The following ZNF420 variants were observed in gnomAD, a reference collection of about 807,000 sequenced individuals.
ZNF420 encodes the protein zinc finger protein 420, also known as ATM and p53-associated KZNF protein.
Under a neutral mutation model 44.7 loss-of-function variants are expected in ZNF420, and 31 were observed. That is an observed-to-expected ratio of 0.69 (90% CI 0.52 to 0.94). The LOEUF (loss-of-function observed/expected upper bound fraction) is 0.94. Ranked by LOEUF, ZNF420 falls within the 40% of genes least tolerant of loss-of-function variation. ZNF420 has a pLI of 0.00. For synonymous variants in ZNF420, 245 were observed against 267.4 expected, an observed-to-expected ratio of 0.92 and a Z score of 0.82; for missense variants, 681 against 827.9, an observed-to-expected ratio of 0.82 and a Z score of 2.18.
intron 4 of ZNF420, among the ~76,000 whole-genome samples, chr19:37,124,520 ACT>A (rs1349964203): frequency 2.0e-5 from 3 of 151,756 alleles, no homozygotes; most frequent in East Asian, 1.9e-4. Flanking sequence ...AAACTACCAC[ACT>A]CTTTTTTACC....
At chr19:37,032,422 TTGAACCTGGGAGG>T (rs1967277556) in intron 1 of ZNF420, among the ~76,000 whole-genome samples, 1 of 151,042 alleles carries the variant, frequency 6.6e-6, no homozygotes, top group Non-Finnish European at 1.5e-5. Flanking sequence ...TGAGAATCAC[TTGAACCTGGGAGG>T]TGGAGGTTGC....
At chr19:37,052,686 G>A (rs894176692) in intron 1 of ZNF420, among the ~76,000 whole-genome samples, 12 of 152,122 alleles carry the variant, frequency 7.9e-5, no homozygotes, top group Non-Finnish European at 1.8e-4. Flanking sequence ...GTTGAATATT[G>A]GCCCCCACTC....
At chr19:37,016,367 G>A (rs2074608889) in intron 1 of ZNF420, among the ~76,000 whole-genome samples, 1 of 152,222 alleles carries the variant, frequency 6.6e-6, no homozygotes, top group Admixed American at 6.5e-5. Flanking sequence ...CAGGTGGTGA[G>A]TAGTGATCCG....
intron 4 of ZNF420, 40 bp downstream of exon 4, chr19:37,091,161 G>C: frequency 1.3e-6 from 2 of 1,481,944 alleles, no homozygotes; most frequent in Non-Finnish European, 1.8e-6. Context: ...TCTACCTTTG[G>C]ATTGGCTGCT....
chr19:37,127,881 A>C lies in ZNF420; in HGVS notation c.890A>C (p.His297Pro), dbSNP rs1319262622. Reference protein sequence around the residue: ...VFTQLSQLILHKRIHTGEKPY... With the variant: ...VFTQLSQLILPKRIHTGEKPY... ...ACTCAGCTCTCACAACTTATTCTGC[A>C]TAAGAGAATTCATACCGGTGAGAAA... Residue 297 changes from histidine to proline, a missense_variant, in exon 5 of 5, where the codon CAT (histidine) becomes CCT (proline). This residue lies in a region of ZNF420 where 350 missense variants were observed against 382.5 expected (regional missense o/e 0.92). Coordinates refer to ENST00000337995, the MANE Select transcript of ZNF420 (RefSeq NM_144689.5). 6.2e-7 allele frequency: 1 copy of C among 1,613,982 alleles called. No homozygotes were observed. The highest frequency in any genetic ancestry group is 8.5e-7 in the Non-Finnish European group (1 of 1,179,978).
intron 1 of ZNF420, among the ~76,000 whole-genome samples, chr19:37,038,148 G>T (rs1322984419): frequency 6.6e-6 from 1 of 151,940 alleles, no homozygotes; most frequent in African/African-American, 2.4e-5. Flanking sequence ...AAAAAGTTGT[G>T]TTTACACTAT....
intron 4 of ZNF420, among the ~76,000 whole-genome samples, chr19:37,115,954 C>G (rs541065941): frequency 6.6e-6 from 1 of 152,258 alleles, no homozygotes; most frequent in South Asian, 2.1e-4. Context: ...ACTTTTTTAA[C>G]AAAGCACATC....
chr19:37,129,789 A>T lies in ZNF420; in HGVS notation c.*731A>T. The T allele has an allele frequency of 5.9e-6, 2 of 336,810 alleles. No individual in the cohort carries two copies. The highest frequency in any genetic ancestry group is 1.1e-5 in the Non-Finnish European group (2 of 190,316). The allele number at this position is 336,810 out of a possible 1,614,324, so 20.9% of individuals were successfully genotyped here. ...AGTGGATGTAATCAGTGTATTATTG[A>T]GCACAGCTGTTAGAGAAGTGGGACA... On this transcript the variant is annotated 3_prime_UTR_variant, in exon 5 of 5. Transcript: ENST00000337995.
intron 4 of ZNF420, among the ~76,000 whole-genome samples, chr19:37,120,917 G>A (rs1280778618): frequency 6.6e-6 from 1 of 151,946 alleles, no homozygotes; most frequent in Admixed American, 6.6e-5. Context: ...CAACTTACAA[G>A]GGACGTGAAG....
At chr19:37,087,978 T>G (rs73625272) in intron 2 of ZNF420, among the ~76,000 whole-genome samples, 1,997 of 152,208 alleles carry the variant, frequency 0.013, 46 homozygotes, top group African/African-American at 0.045. Context: ...AGGTCTCGGA[T>G]CTAGGTTAGA....
chr19:37,026,555 G>A (rs10416762), intron 1 of ZNF420, among the ~76,000 whole-genome samples: 26,742 of 152,094 alleles, frequency 0.18, 2,549 homozygotes, highest in African/African-American at 0.25. Flanking sequence ...CCGACTTCAG[G>A]TGATCTGCCC....
intron 1 of ZNF420, among the ~76,000 whole-genome samples, chr19:37,069,905 A>G (rs1291495350): frequency 6.6e-6 from 1 of 152,248 alleles, no homozygotes; most frequent in Non-Finnish European, 1.5e-5. Flanking sequence ...TGGCAGAATA[A>G]ATCCAAGGAA....
chr19:37,120,707 T>C (rs1287020752), intron 4 of ZNF420, among the ~76,000 whole-genome samples: 4 of 152,166 alleles, frequency 2.6e-5, no homozygotes, highest in Admixed American at 6.5e-5. Flanking sequence ...GATGACATGA[T>C]TGTGTATCTA....
intron 4 of ZNF420, among the ~76,000 whole-genome samples, chr19:37,099,546 A>G (rs760600027): frequency 2.4e-4 from 37 of 151,922 alleles, no homozygotes; most frequent in Non-Finnish European, 4.3e-4. Context: ...TGTTGAGTTG[A>G]CTTTCTTATA....
Position 37,030,699 on chromosome 19 carries a change from A to G in ZNF420, c.-125+22617A>G, listed in dbSNP as rs956896680. On this transcript the variant is annotated intron_variant, in intron 1 of 4. Coordinates refer to the ZNF420 transcript ENST00000587029. Reference sequence around the variant, plus strand: ...ATGTATGTATATATCATACTCACATACAATTTCAAATACATCTATGTGTTA... The same window carrying G: ...ATGTATGTATATATCATACTCACATGCAATTTCAAATACATCTATGTGTTA... 2.6e-5 allele frequency among the ~76,000 whole-genome samples: 4 copies of G among 152,310 alleles called. No homozygotes were observed. In the East Asian group the frequency reaches 7.7e-4, roughly 29 times the overall value.
intron 1 of ZNF420, among the ~76,000 whole-genome samples, chr19:37,036,737 C>G (rs780842780): frequency 3.9e-5 from 6 of 152,196 alleles, no homozygotes; most frequent in Non-Finnish European, 7.3e-5. Flanking sequence ...GCATATAGAG[C>G]TCATTTCCCT....
Position 37,078,515 on chromosome 19 carries a change from A to G in ZNF420, c.-180A>G, listed in dbSNP as rs1968236945. 6.6e-6 allele frequency: 1 copy of G among 152,334 alleles called. No homozygotes were observed. Among genetic ancestry groups the G allele is most frequent in the Non-Finnish European group, 1.5e-5 (1 of 68,144 alleles). 9.4% of individuals were successfully genotyped at this position (152,334 alleles called of 1,614,324 possible). ...CACCTGCTGGGCTGGCGAACCCGAA[A>G]TTGGGCTTGGAACCCGGGAGCCAGA... On this transcript the variant is annotated 5_prime_UTR_variant, in exon 1 of 5. Coordinates refer to ENST00000337995, the MANE Select transcript of ZNF420 (RefSeq NM_144689.5).
chr19:37,018,139 T>C (rs1329890021), intron 1 of ZNF420, among the ~76,000 whole-genome samples: 2 of 152,182 alleles, frequency 1.3e-5, no homozygotes, highest in Non-Finnish European at 2.9e-5. Flanking sequence ...ATATCATTCC[T>C]GAAAAAAAAT....
intron 1 of ZNF420, among the ~76,000 whole-genome samples, chr19:37,012,763 TC>T (rs1174046948): frequency 1.5e-4 from 1 of 6,640 alleles, no homozygotes; most frequent in Non-Finnish European, 5.0e-4. Flanking sequence ...CTGCTATATG[TC>T]TCTGTGTGTG....
Sources: allele counts gnomAD v4.1 joint callset (sites outside exome capture counted in the v4.1 genomes callset), GRCh38; gene constraint gnomAD v4.1.1; regional missense constraint gnomAD v4.1.1; transcripts MANE v1.5; gene names NCBI Gene and HGNC (gene_info 2026-07-23, HGNC 2026-07-21).